Variants in G2E3 observed in about 807,000 individuals in gnomAD.
The protein encoded by G2E3 is G2/M phase-specific E3 ubiquitin-protein ligase.
A neutral mutation model predicts 92.8 loss-of-function variants in G2E3; 35 were observed. That is an observed-to-expected ratio of 0.38 (90% CI 0.29 to 0.50). G2E3 has a LOEUF of 0.50. Among genes scored for constraint, G2E3 ranks in the 20% least tolerant of loss-of-function variants. The pLI, the probability that G2E3 is intolerant of heterozygous loss-of-function variation, is 0.94. For missense variants in G2E3, 554 were observed against 823.8 expected (o/e 0.67, Z 4.01); for synonymous variants, 242 against 272.4 (o/e 0.89, Z 1.10).
rs1368919100 is a variant in G2E3, at chr14:30,619,995, G to A, written c.*3461G>A. The A allele has an allele frequency of 6.6e-6, 1 of 152,070 alleles. No homozygotes were observed. Among genetic ancestry groups the A allele is most frequent in the Admixed American group, 6.5e-5 (1 of 15,274 alleles). The allele number at this position is 152,070 out of a possible 1,614,324, so 9.4% of individuals were successfully genotyped here. ...CACCCAGGAACCTATAGAAATGAGG[G>A]AATCTGTGTTAAAACTATGTATCCT... On this transcript the variant is annotated 3_prime_UTR_variant, in exon 15 of 15. Coordinates refer to ENST00000206595, the MANE Select transcript of G2E3 (RefSeq NM_017769.5).
At chr14:30,601,048 C>T (rs1881545509) in intron 8 of G2E3, among the ~76,000 whole-genome samples, 1 of 152,166 alleles carries the variant, frequency 6.6e-6, no homozygotes, top group Admixed American at 6.5e-5. Flanking sequence ...CATACGCACA[C>T]CCACACAGAG....
chr14:30,615,043 T>G (rs1882250240), intron 13 of G2E3, among the ~76,000 whole-genome samples: 1 of 152,180 alleles, frequency 6.6e-6, no homozygotes, highest in Admixed American at 6.5e-5. Flanking sequence ...TTTGATGTCT[T>G]TCTTACTAAT....
intron 1 of G2E3, among the ~76,000 whole-genome samples, chr14:30,567,274 T>C (rs1378839477): frequency 6.6e-6 from 1 of 152,126 alleles, no homozygotes; most frequent in Non-Finnish European, 1.5e-5. Context: ...TTAATAGGGT[T>C]CACCAGTGAA....
Position 30,605,590 on chromosome 14 carries a change from A to C in G2E3, c.1096A>C (p.Ile366Leu). The part of the protein sequence containing the change: ...QIKKKTKRLY[I>L]NKANIWNSAL... ...TAAAAAAAAAACTAAAAGATTGTAT[A>C]TCAACAAAGCCAATATCTGGAATAG... The change falls in exon 11 of 15, where the codon ATC becomes CTC. Residue 366 changes from isoleucine to leucine, a missense_variant. By Grantham distance (5) the Ile-to-Leu change is conservative. Transcript: ENST00000206595. 6.5e-7 allele frequency: 1 copy of C among 1,542,338 alleles called. No individual in the cohort carries two copies. The highest frequency in any genetic ancestry group is 1.2e-5 in the South Asian group (1 of 86,416).
chr14:30,611,818 G>T (rs1882103085), intron 12 of G2E3: 1 of 156,484 alleles, frequency 6.4e-6, no homozygotes, highest in African/African-American at 2.7e-5. Context: ...CCCACACCAG[G>T]CCTTTTTTTT....
intron 1 of G2E3, chr14:30,560,455 A>C: frequency 4.0e-6 from 1 of 247,574 alleles, no homozygotes; most frequent in East Asian, 8.0e-5. Context: ...TCTTCCTGCT[A>C]TTGAACTTTT....
chr14:30,578,643 A>G (rs552581153), intron 1 of G2E3, among the ~76,000 whole-genome samples: 3 of 152,324 alleles, frequency 2.0e-5, no homozygotes, highest in Admixed American at 6.5e-5. Context: ...TGACTAAAAC[A>G]TCCTTTATAA....
At chr14:30,610,328 G>A (rs1429052793) in intron 12 of G2E3, among the ~76,000 whole-genome samples, 1 of 152,118 alleles carries the variant, frequency 6.6e-6, no homozygotes, top group African/African-American at 2.4e-5. Flanking sequence ...AAATAAAACA[G>A]AATATGGCCG....
intron 12 of G2E3, among the ~76,000 whole-genome samples, chr14:30,609,805 T>C (rs1053522829): frequency 6.6e-6 from 1 of 152,218 alleles, no homozygotes; most frequent in Non-Finnish European, 1.5e-5. Flanking sequence ...ACTTCCAAGC[T>C]GTCTTGGAGA....
chr14:30,599,746 GAAATAA>G (rs1881472175), intron 8 of G2E3, among the ~76,000 whole-genome samples: 1 of 151,692 alleles, frequency 6.6e-6, no homozygotes, highest in East Asian at 1.9e-4. Context: ...TAACATTTTG[GAAATAA>G]AAATATATGT....
Position 30,598,435 on chromosome 14 carries a change from T to C in G2E3, c.636-48T>C, listed in dbSNP as rs371119079. ...TTTAGATTCATTCCTGATCCTCTTATGTAACATTATTTATAGGTCAAAGCA... is the reference window on the plus strand; with the variant it reads ...TTTAGATTCATTCCTGATCCTCTTACGTAACATTATTTATAGGTCAAAGCA... On this transcript the variant is annotated intron_variant, in intron 7 of 14. Coordinates refer to ENST00000206595, the MANE Select transcript of G2E3 (RefSeq NM_017769.5). The C allele has an allele frequency of 6.9e-6, 8 of 1,155,832 alleles. No individual in the cohort carries two copies. The African/African-American group carries it at 9.1e-5, about 13-fold the overall frequency. 71.6% of individuals were successfully genotyped at this position (1,155,832 alleles called of 1,614,324 possible).
At chr14:30,590,707 G>A (rs1181388968) in intron 4 of G2E3, 1 of 455,918 alleles carries the variant, frequency 2.2e-6, no homozygotes, top group Non-Finnish European at 4.4e-6. Flanking sequence ...AGGGCACAAG[G>A]AAGAACCGTG....
At chr14:30,595,894 A>C (rs1881255906) in intron 6 of G2E3, among the ~76,000 whole-genome samples, 1 of 152,202 alleles carries the variant, frequency 6.6e-6, no homozygotes, top group South Asian at 2.1e-4. Flanking sequence ...CTGTGTCTAC[A>C]GAATTGTCAC....
chr14:30,586,529 G>A (rs780245317), intron 2 of G2E3, among the ~76,000 whole-genome samples, 189 bp from the exon 3 acceptor site: 9 of 152,022 alleles, frequency 5.9e-5, no homozygotes, highest in Non-Finnish European at 1.2e-4. Context: ...ATTAAAGACT[G>A]GTGAAGAACA....
rs1156313732 is a variant in G2E3, at chr14:30,618,557, AAT to A, written c.*2024_*2025del. The A allele has an allele frequency of 4.6e-5, 7 of 152,100 alleles. No homozygotes were observed. Among genetic ancestry groups the A allele is most frequent in the African/African-American group, 9.7e-5 (4 of 41,446 alleles). The allele number at this position is 152,100 out of a possible 1,614,324, so 9.4% of individuals were successfully genotyped here. On this transcript the variant is annotated 3_prime_UTR_variant, in exon 15 of 15. Transcript: ENST00000206595. ...GAGGCAGTGTACTTGGGTTAGCTAC[AAT>A]TAAAAACAGTATTTCAATTCCTCAT...
intron 6 of G2E3, among the ~76,000 whole-genome samples, chr14:30,595,853 C>T (rs1390788196): frequency 2.0e-5 from 3 of 152,106 alleles, no homozygotes; most frequent in African/African-American, 7.2e-5. Flanking sequence ...CTAGAGATTG[C>T]TATCAAAGAA....
chr14:30,561,167 G>T (rs1192675530), intron 1 of G2E3, among the ~76,000 whole-genome samples: 1 of 152,104 alleles, frequency 6.6e-6, no homozygotes, highest in Non-Finnish European at 1.5e-5. Flanking sequence ...TGTAAAAACC[G>T]CATCACATAC....
chr14:30,562,115 C>G (rs1036224536), intron 1 of G2E3, among the ~76,000 whole-genome samples: 2 of 151,990 alleles, frequency 1.3e-5, no homozygotes, highest in Non-Finnish European at 2.9e-5. Flanking sequence ...AACTGAGGCA[C>G]CAAAAGATTT....
chr14:30,618,295 A>C lies in G2E3; in HGVS notation c.*1761A>C, dbSNP rs1272569985. 3 of 152,126 alleles carry C rather than the reference A, an allele frequency of 2.0e-5. No homozygotes were observed. Among genetic ancestry groups the C allele is most frequent in the Non-Finnish European group, 4.4e-5 (3 of 67,964 alleles). 9.4% of individuals were successfully genotyped at this position (152,126 alleles called of 1,614,324 possible). On this transcript the variant is annotated 3_prime_UTR_variant, in exon 15 of 15. Coordinates refer to ENST00000206595, the MANE Select transcript of G2E3 (RefSeq NM_017769.5). ...GAAAGATCAATTATCAAAGAGTTTG[A>C]ATAGCTAATATAAACCCCAAAGTCA...
Sources: gnomAD v4.1 joint callset for allele counts (sites outside exome capture counted in the v4.1 genomes callset) on GRCh38, gnomAD v4.1.1 for gene constraint, MANE v1.5 for transcripts, NCBI Gene and HGNC (gene_info 2026-07-23, HGNC 2026-07-21) for gene names.